The following CLYBL variants were observed in gnomAD, a reference collection of about 807,000 sequenced individuals.
CLYBL encodes citramalyl-CoA lyase, also known as citramalyl-CoA lyase, mitochondrial.
A neutral mutation model predicts 38.9 loss-of-function variants in CLYBL; 31 were observed. The observed-to-expected ratio is 0.80, with a 90% CI of 0.60 to 1.08. The LOEUF (loss-of-function observed/expected upper bound fraction) is 1.08, where lower values mean the gene tolerates loss of function less well. CLYBL is among the 50% of genes least tolerant of loss of function. CLYBL has a pLI of 0.00. For synonymous variants in CLYBL, 171 were observed against 158.6 expected (o/e 1.08, Z -0.59); for missense variants, 434 against 411.6 (o/e 1.05, Z -0.47).
At chr13:99,649,911 G>A (rs2047226495) in intron 1 of CLYBL, among the ~76,000 whole-genome samples, 1 of 149,874 alleles carries the variant, frequency 6.7e-6, no homozygotes, top group Admixed American at 6.7e-5. Context: ...GAAAAAAAAA[G>A]AAAGTTTTCA....
At chr13:99,696,062 G>A (rs2047974647) in intron 1 of CLYBL, among the ~76,000 whole-genome samples, 1 of 152,254 alleles carries the variant, frequency 6.6e-6, no homozygotes, top group South Asian at 2.1e-4. Context: ...AATTTAGAGT[G>A]ATGGTCCTTG....
At chr13:99,623,433 G>A (rs560571874) in intron 1 of CLYBL, among the ~76,000 whole-genome samples, 25 of 152,250 alleles carry the variant, frequency 1.6e-4, no homozygotes, top group African/African-American at 5.1e-4. Context: ...TGGACTCCAA[G>A]GAGTATATGA....
At chr13:99,714,322 A>T (rs1388850090) in intron 1 of CLYBL, among the ~76,000 whole-genome samples, 1 of 152,164 alleles carries the variant, frequency 6.6e-6, no homozygotes, top group African/African-American at 2.4e-5. Context: ...TCCATATTTA[A>T]AAATGAGGAA....
At chr13:99,776,857 C>T (rs2049528286) in intron 2 of CLYBL, among the ~76,000 whole-genome samples, 1 of 151,452 alleles carries the variant, frequency 6.6e-6, no homozygotes. Context: ...AATTGAAGCA[C>T]AGAGATATCC....
intron 1 of CLYBL, among the ~76,000 whole-genome samples, chr13:99,652,743 CAG>C (rs1188631521): frequency 5.3e-5 from 8 of 152,230 alleles, no homozygotes; most frequent in Non-Finnish European, 1.2e-4. Flanking sequence ...CCTCCATACT[CAG>C]GGAGAAGCCA....
At chr13:99,609,767 C>T (rs187463877) in intron 1 of CLYBL, among the ~76,000 whole-genome samples, 1 of 152,268 alleles carries the variant, frequency 6.6e-6, no homozygotes, top group Non-Finnish European at 1.5e-5. Flanking sequence ...TCGAACTTGG[C>T]TCAAGCAATC....
rs373191281 is a variant in CLYBL at position 99,619,794 on chromosome 13, T to C, written c.62+13037T>C. ...CTTCCTGCCAGTTGACATTCCAGAG[T>C]CTAGAAAGGAATTATTGCCCTCAAG... On this transcript the variant is annotated intron_variant, in intron 1 of 8. Coordinates refer to ENST00000339105, the MANE Select transcript of CLYBL (RefSeq NM_206808.5). Among the ~76,000 whole-genome samples the C allele has an allele frequency of 2.6e-4, 39 of 152,150 alleles. 1 individual carries two copies. The South Asian group carries it at 6.0e-3, about 24-fold the overall frequency.
intron 1 of CLYBL, among the ~76,000 whole-genome samples, chr13:99,759,017 A>G (rs562524356): frequency 6.6e-6 from 1 of 152,196 alleles, no homozygotes; most frequent in East Asian, 1.9e-4. Flanking sequence ...TGGGCCAGTC[A>G]TGCTCTACAC....
chr13:99,871,094 C>A, intron 7 of CLYBL, 32 bp downstream of exon 7: 2 of 1,609,620 alleles, frequency 1.2e-6, no homozygotes, highest in Non-Finnish European at 1.7e-6. Context: ...TGGGTGAGAG[C>A]AGTATTGAAA....
chr13:99,792,695 G>A (rs2049942661), intron 2 of CLYBL, among the ~76,000 whole-genome samples: 1 of 151,884 alleles, frequency 6.6e-6, no homozygotes, highest in Non-Finnish European at 1.5e-5. Flanking sequence ...TGGAGGCTGT[G>A]CTGTAGAGAA....
At chr13:99,670,993 C>T (rs1202559429) in intron 1 of CLYBL, among the ~76,000 whole-genome samples, 1 of 152,214 alleles carries the variant, frequency 6.6e-6, no homozygotes, top group Non-Finnish European at 1.5e-5. Context: ...TCCTGCTGAC[C>T]TCTCCAGCAA....
chr13:99,640,553 G>C (rs2047078735), intron 1 of CLYBL, among the ~76,000 whole-genome samples: 1 of 152,208 alleles, frequency 6.6e-6, no homozygotes, highest in Non-Finnish European at 1.5e-5. Flanking sequence ...CATTTAGCAG[G>C]CTTCCCTCCT....
chr13:99,845,160 C>T (rs570398555), intron 2 of CLYBL, among the ~76,000 whole-genome samples: 14 of 152,292 alleles, frequency 9.2e-5, no homozygotes, highest in African/African-American at 3.4e-4. Flanking sequence ...AGACTTTCAT[C>T]TTCATCTCGC....
chr13:99,655,700 A>C (rs2139315084), intron 1 of CLYBL, among the ~76,000 whole-genome samples: 1 of 152,240 alleles, frequency 6.6e-6, no homozygotes, highest in African/African-American at 2.4e-5. Flanking sequence ...TGCTTGTGGG[A>C]CCTGGTGTCA....
intron 1 of CLYBL, among the ~76,000 whole-genome samples, chr13:99,768,069 T>A (rs369218498): frequency 1.3e-5 from 2 of 152,152 alleles, no homozygotes; most frequent in South Asian, 4.1e-4. Flanking sequence ...AGAAATCAGA[T>A]TCTCCCCCTC....
intron 6 of CLYBL, 132 bp from the exon 7 acceptor site, chr13:99,870,806 T>C (rs2051869295): frequency 1.2e-6 from 1 of 836,664 alleles, no homozygotes; most frequent in Non-Finnish European, 1.8e-6. Flanking sequence ...TTTTGTTTAC[T>C]CAATAAAAAG....
intron 2 of CLYBL, among the ~76,000 whole-genome samples, chr13:99,838,624 T>C (rs1280780989): frequency 6.6e-6 from 1 of 152,200 alleles, no homozygotes; most frequent in African/African-American, 2.4e-5. Context: ...CTATAAATTG[T>C]CAAACATTTC....
At chr13:99,871,538 A>G (rs1309953791) in intron 7 of CLYBL, among the ~76,000 whole-genome samples, 9 of 152,178 alleles carry the variant, frequency 5.9e-5, no homozygotes. Context: ...GAGGTTGTAT[A>G]TGTGTTTGTA....
Position 99,606,739 on chromosome 13 carries a change from C to CGGCGGCGCTGCTGA in CLYBL, c.48_61dup (p.Leu21ArgfsTer4), listed in dbSNP as rs1305297761. 2.7e-6 allele frequency: 4 copies of CGGCGGCGCTGCTGA among 1,484,768 alleles called. No homozygotes were observed. The African/African-American group carries it at 5.9e-5, about 22-fold the overall frequency. 92.0% of individuals were successfully genotyped at this position (1,484,768 alleles called of 1,614,324 possible). On this transcript the variant is annotated frameshift_variant, in exon 1 of 9. Coordinates refer to ENST00000339105, the MANE Select transcript of CLYBL (RefSeq NM_206808.5). LOFTEE classifies it high-confidence loss of function. ...CGGAGGGCGGCGCGCGGAGCTGCGG[C>CGGCGGCGCTGCTGA]GGCGGCGCTGCTGAGGCTGTGAGTG...
Sources: allele counts gnomAD v4.1 joint callset (sites outside exome capture counted in the v4.1 genomes callset), GRCh38; gene constraint gnomAD v4.1.1; transcripts MANE v1.5; gene names NCBI Gene and HGNC (gene_info 2026-07-23, HGNC 2026-07-21).